MYO3A: variants seen among roughly 807,000 people sequenced by gnomAD.
MYO3A encodes the protein myosin IIIA.
MYO3A carries 180 observed loss-of-function variants against 192.7 expected under a neutral mutation model. The observed-to-expected ratio is 0.93, with a 90% CI of 0.83 to 1.06. MYO3A has a LOEUF of 1.06. Among genes scored for constraint, MYO3A ranks in the 50% least tolerant of loss-of-function variants. The probability of loss-of-function intolerance (pLI) is 0.00; values close to 1 mark genes in which losing one functional copy is unlikely to be tolerated. For missense variants in MYO3A, 1,896 were observed against 1,905.0 expected, an observed-to-expected ratio of 1.00 and a Z score of 0.09; for synonymous variants, 628 against 645.3, an observed-to-expected ratio of 0.97 and a Z score of 0.41.
At chr10:26,049,673 C>CTTT (rs66467075) in intron 10 of MYO3A, among the ~76,000 whole-genome samples, 105 of 69,100 alleles carry the variant, frequency 1.5e-3, no homozygotes, top group African/African-American at 2.5e-3. Flanking sequence ...TTCTTTCTTT[C>CTTT]TTTTTTTTTT....
At chr10:26,143,002 T>C (rs1840251951) in intron 20 of MYO3A, among the ~76,000 whole-genome samples, 1 of 152,028 alleles carries the variant, frequency 6.6e-6, no homozygotes, top group African/African-American at 2.4e-5. Flanking sequence ...CAAGCAGCAA[T>C]GTGGAGAGAA....
At chr10:26,010,450 G>GTTTTTTTTTTTTTTTTTTT (rs778349166) in intron 6 of MYO3A, among the ~76,000 whole-genome samples, 223 of 111,212 alleles carry the variant, frequency 2.0e-3, no homozygotes, top group Middle Eastern at 6.7e-3. Context: ...CTAAGTAGTT[G>GTTTTTTTTTTTTTTTTTTT]TTTTTTTTTT....
rs1434028939 is a variant in MYO3A, at chr10:26,212,204, C to T, written c.*241C>T. Reference sequence around the variant, plus strand: ...CTCTCTCTCGGAACTCCCGCACCCTCCTTTCTCACCAGCCCGCCAGTTGTG... The same window carrying T: ...CTCTCTCTCGGAACTCCCGCACCCTTCTTTCTCACCAGCCCGCCAGTTGTG... On this transcript the variant is annotated 3_prime_UTR_variant, in exon 35 of 35. Coordinates refer to ENST00000642920, the MANE Select transcript of MYO3A (RefSeq NM_017433.5). 4 of 545,812 alleles carry T rather than the reference C, an allele frequency of 7.3e-6. No individual in the cohort carries two copies. The highest frequency in any genetic ancestry group is 1.3e-5 in the Non-Finnish European group (4 of 314,204). 33.8% of individuals were successfully genotyped at this position (545,812 alleles called of 1,614,324 possible). A position where few individuals can be genotyped will look rare whatever the true frequency, so the allele number is the denominator to read the frequency against.
chr10:25,970,652 CTT>C (rs1272457955), intron 4 of MYO3A, among the ~76,000 whole-genome samples: 2 of 151,614 alleles, frequency 1.3e-5, no homozygotes, highest in African/African-American at 4.8e-5. Context: ...AGAGTTGTCT[CTT>C]AATAAAGTAA....
chr10:26,013,951 G>A (rs10828936), intron 6 of MYO3A, among the ~76,000 whole-genome samples: 14,361 of 152,020 alleles, frequency 0.094, 1,194 homozygotes, highest in African/African-American at 0.21. Context: ...CATTAAAAGG[G>A]ATAAAATAAT....
chr10:26,066,377 T>G (rs1479178399), intron 10 of MYO3A, among the ~76,000 whole-genome samples: 1 of 152,186 alleles, frequency 6.6e-6, no homozygotes, highest in African/African-American at 2.4e-5. Flanking sequence ...CAGAAAAGTT[T>G]AAATAAACCA....
intron 34 of MYO3A, 102 bp from the exon 35 acceptor site, chr10:26,211,741 G>T: frequency 1.9e-6 from 3 of 1,540,506 alleles, no homozygotes; most frequent in Non-Finnish European, 2.7e-6. Context: ...GTCCGCGGTT[G>T]GCAGAACGTG....
In MYO3A at chr10:25,954,980, A is replaced by G. The variant is rs977481088; in HGVS notation, c.275A>G (p.Asn92Ser). The G allele has an allele frequency of 1.2e-6, 2 of 1,613,142 alleles. No individual in the cohort carries two copies. Among genetic ancestry groups the G allele is most frequent in the Non-Finnish European group, 8.5e-7 (1 of 1,179,320 alleles). ...YGIYFKKDKV[N>S]GDKLWLVLEL... is the part of the protein sequence containing the mutation. ...ATATACTTTAAGAAGGATAAAGTAAATGGAGACAAGCTGTGGTTGGTTCTT... is the reference window on the plus strand; with the variant it reads ...ATATACTTTAAGAAGGATAAAGTAAGTGGAGACAAGCTGTGGTTGGTTCTT... The change falls in exon 4 of 35, where the codon AAT becomes AGT. Residue 92 changes from asparagine to serine, a missense_variant. Asn to Ser is a conservative substitution (Grantham distance 46). Transcript: ENST00000642920.
chr10:26,007,761 T>A (rs1237085285), intron 6 of MYO3A, among the ~76,000 whole-genome samples: 2 of 150,794 alleles, frequency 1.3e-5, no homozygotes, highest in Admixed American at 1.3e-4. Context: ...GAACATTCCA[T>A]GCTCATGGGT....
At chr10:26,079,998 G>A (rs1324251338) in intron 14 of MYO3A, among the ~76,000 whole-genome samples, 1 of 152,154 alleles carries the variant, frequency 6.6e-6, no homozygotes, top group Non-Finnish European at 1.5e-5. Context: ...ATGAGAGTGT[G>A]CCTAGATGAA....
intron 6 of MYO3A, among the ~76,000 whole-genome samples, chr10:26,003,501 A>G (rs1840981820): frequency 6.6e-6 from 1 of 152,190 alleles, no homozygotes; most frequent in Non-Finnish European, 1.5e-5. Context: ...GTTTTTTATT[A>G]AGTGGGGTAT....
intron 31 of MYO3A, among the ~76,000 whole-genome samples, chr10:26,181,489 G>A (rs1033210402): frequency 6.6e-6 from 1 of 152,028 alleles, no homozygotes; most frequent in Admixed American, 6.5e-5. Flanking sequence ...CGTAGAAAGA[G>A]CTCTTTATAA....
intron 10 of MYO3A, among the ~76,000 whole-genome samples, chr10:26,049,673 CTTTTTTTT>C (rs66467075): frequency 2.9e-5 from 2 of 69,114 alleles, no homozygotes; most frequent in African/African-American, 1.0e-4. Flanking sequence ...TTCTTTCTTT[CTTTTTTTT>C]TTTTTTTTTT....
rs752594153 is a variant in MYO3A at position 26,174,497 on chromosome 10, C to A, written c.4233C>A (p.Asn1411Lys). The change falls in exon 30 of 35, where the codon AAC (asparagine) becomes AAA (lysine). Residue 1411 changes from asparagine (N) to lysine (K), a missense_variant. By Grantham distance (94) the Asn-to-Lys change is moderately conservative. Transcript: ENST00000642920. ...EEINNIKKKDNKDSKATSERE... is the reference protein window; with the variant it reads ...EEINNIKKKDKKDSKATSERE... ...TCAATAACATCAAGAAGAAGGATAACAAAGACTCGAAAGCAACTTCAGAAA... is the reference window on the plus strand; with the variant it reads ...TCAATAACATCAAGAAGAAGGATAAAAAAGACTCGAAAGCAACTTCAGAAA... 1.9e-5 allele frequency: 30 copies of A among 1,613,858 alleles called. No individual in the cohort carries two copies. Among genetic ancestry groups the A allele is most frequent in the Non-Finnish European group, 2.4e-5 (28 of 1,179,996 alleles).
chr10:26,174,157 C>G lies in MYO3A; in HGVS notation c.3893C>G (p.Ala1298Gly). 1 of 1,614,132 alleles carries G rather than the reference C, an allele frequency of 6.2e-7. No individual in the cohort carries two copies. Among genetic ancestry groups the G allele is most frequent in the Non-Finnish European group, 8.5e-7 (1 of 1,180,022 alleles). The change falls in exon 30 of 35, where the codon GCA becomes GGA. Residue 1298 changes from alanine to glycine, a missense_variant. Coordinates refer to ENST00000642920, the MANE Select transcript of MYO3A (RefSeq NM_017433.5). Reference sequence around the variant, plus strand: ...AGCCAAAGGTCAATTTATCAAAATGCAAACAGCATGGAAAAAGAAAAGAAG... The same window carrying G: ...AGCCAAAGGTCAATTTATCAAAATGGAAACAGCATGGAAAAAGAAAAGAAG... The part of the protein sequence containing the change: ...TLSQRSIYQN[A>G]NSMEKEKKTS...
chr10:25,993,870 C>T (rs916700038), intron 4 of MYO3A, among the ~76,000 whole-genome samples: 2 of 152,176 alleles, frequency 1.3e-5, no homozygotes, highest in African/African-American at 4.8e-5. Flanking sequence ...GCACTGTGGT[C>T]TGAGAGACAG....
chr10:25,991,411 T>C (rs1003533455), intron 4 of MYO3A, among the ~76,000 whole-genome samples: 26 of 152,324 alleles, frequency 1.7e-4, no homozygotes, highest in African/African-American at 4.8e-4. Flanking sequence ...TTCTGGATAT[T>C]AGCCCTTTGT....
intron 4 of MYO3A, among the ~76,000 whole-genome samples, chr10:25,978,510 A>C (rs1211711764): frequency 6.6e-6 from 1 of 152,190 alleles, no homozygotes; most frequent in Non-Finnish European, 1.5e-5. Context: ...ACCTGCCCTC[A>C]TGATTCAATT....
In MYO3A at chr10:25,991,295, G is replaced by A. The variant is rs564710236; in HGVS notation, c.304-5195G>A. On this transcript the variant is annotated intron_variant, in intron 4 of 34. Transcript: ENST00000642920. ...TGAGCATTTTTTCATGTGTCTGTTGGCTGCATAAACGTCTTCTTTTGAGAA... is the reference window on the plus strand; with the variant it reads ...TGAGCATTTTTTCATGTGTCTGTTGACTGCATAAACGTCTTCTTTTGAGAA... Among the ~76,000 whole-genome samples the A allele has an allele frequency of 4.1e-3, 618 of 152,314 alleles. 5 individuals are homozygous for A. The highest frequency in any genetic ancestry group is 0.014 in the African/African-American group (582 of 41,560).
Sources: allele counts gnomAD v4.1 joint callset (sites outside exome capture counted in the v4.1 genomes callset), GRCh38; gene constraint gnomAD v4.1.1; transcripts MANE v1.5; gene names NCBI Gene and HGNC (gene_info 2026-07-23, HGNC 2026-07-21).